MARK1: variants seen among roughly 807,000 people sequenced by gnomAD.
MARK1 encodes the protein microtubule affinity regulating kinase 1.
Under a neutral mutation model 96.3 loss-of-function variants are expected in MARK1, and 40 were observed. The observed-to-expected ratio is 0.42, with a 90% CI of 0.32 to 0.54. The LOEUF is 0.54. MARK1 is among the 20% of genes least tolerant of loss of function. MARK1 has a pLI of 0.16. For missense variants in MARK1, 719 were observed against 984.6 expected, an observed-to-expected ratio of 0.73 and a Z score of 3.61; for synonymous variants, 317 against 341.2, an observed-to-expected ratio of 0.93 and a Z score of 0.78.
rs148023363 is a variant in MARK1, at chr1:220,635,393, G to A, written c.1140G>A (p.Ser380=). The change falls in exon 12 of 18, where the codon TCG becomes TCA. Residue 380 remains serine (S), a synonymous_variant. Coordinates refer to ENST00000366917, the MANE Select transcript of MARK1 (RefSeq NM_018650.5). ...TCTTATAGTTTGAAGGTGGTGAATC[G>A]TTATCCAGTGGAAACTTGTGTCAGA... ...RKPPEFEGGE[S]LSSGNLCQRS... The A allele has an allele frequency of 2.7e-4, 424 of 1,598,858 alleles. 1 individual carries two copies. The highest frequency in any genetic ancestry group is 3.3e-4 in the Non-Finnish European group (387 of 1,175,664).
chr1:220,602,514 G>A (rs1433686715), intron 5 of MARK1, among the ~76,000 whole-genome samples: 1 of 152,104 alleles, frequency 6.6e-6, no homozygotes, highest in Non-Finnish European at 1.5e-5. Context: ...TGGGGTAAGT[G>A]TATTCTAGGC....
chr1:220,628,888 C>T lies in MARK1; in HGVS notation c.910-2147C>T, dbSNP rs138367410. ...GATAACTTGAACCCAAGAGTTCAAG[C>T]CTGGGCAACATAGTGAGACCCTGTC... On this transcript the variant is annotated intron_variant, in intron 9 of 17. Coordinates refer to ENST00000366917, the MANE Select transcript of MARK1 (RefSeq NM_018650.5). Among the ~76,000 whole-genome samples, 61 of 151,172 alleles carry T rather than the reference C, an allele frequency of 4.0e-4. No homozygotes were observed. The East Asian group carries it at 9.0e-3, about 22-fold the overall frequency.
Position 220,635,967 on chromosome 1 carries a change from G to A in MARK1, c.1411G>A (p.Glu471Lys), listed in dbSNP as rs762809159. ...CAGCACAACAGTTGGATCAAAAAGCGAGATGACTGCAAGCCCTCTTGTAGG... is the reference window on the plus strand; with the variant it reads ...CAGCACAACAGTTGGATCAAAAAGCAAGATGACTGCAAGCCCTCTTGTAGG... Reference protein sequence around the residue: ...LGSTTVGSKSEMTASPLVGPE... With the variant: ...LGSTTVGSKSKMTASPLVGPE... Residue 471 changes from glutamate to lysine, a missense_variant, in exon 13 of 18, where the codon GAG becomes AAG. Physicochemically the swap from Glu to Lys is moderately conservative, Grantham distance 56 (BLOSUM62 1). This residue lies in a region of MARK1 where 501 missense variants were observed against 588.3 expected (regional missense o/e 0.85). Coordinates refer to ENST00000366917, the MANE Select transcript of MARK1 (RefSeq NM_018650.5). 1.9e-5 allele frequency: 30 copies of A among 1,613,952 alleles called. No individual in the cohort carries two copies. Among genetic ancestry groups the A allele is most frequent in the Non-Finnish European group, 2.2e-5 (26 of 1,180,010 alleles).
intron 1 of MARK1, among the ~76,000 whole-genome samples, chr1:220,570,398 C>A (rs527574905): frequency 6.6e-6 from 1 of 152,200 alleles, no homozygotes; most frequent in South Asian, 2.1e-4. Context: ...ATACCAGCTG[C>A]AGAAAGAGAA....
rs73105430 is a variant in MARK1 at position 220,595,135 on chromosome 1, C to T, written c.310-3196C>T. ...ATATGGAAACTGTTTGTACTTCCTG[C>T]TCAATTTTGCTGTGAACCTAAAACT... On this transcript the variant is annotated intron_variant, in intron 3 of 17. Coordinates refer to ENST00000366917, the MANE Select transcript of MARK1 (RefSeq NM_018650.5). 3.7e-3 allele frequency among the ~76,000 whole-genome samples: 556 copies of T among 152,218 alleles called. 5 individuals carry two copies. Among genetic ancestry groups the T allele is most frequent in the African/African-American group, 0.013 (525 of 41,540 alleles).
intron 9 of MARK1, among the ~76,000 whole-genome samples, chr1:220,628,546 C>T (rs923194076): frequency 2.0e-5 from 3 of 152,184 alleles, no homozygotes; most frequent in Admixed American, 6.6e-5. Context: ...ACTCTTTCCT[C>T]GCCTTCCATG....
chr1:220,563,310 A>T (rs376734363), intron 1 of MARK1, among the ~76,000 whole-genome samples: 1 of 152,266 alleles, frequency 6.6e-6, no homozygotes, highest in East Asian at 1.9e-4. Flanking sequence ...CCAAAAAAAA[A>T]TTACCAATTA....
At chr1:220,642,290 TC>T (rs1162607976) in intron 13 of MARK1, among the ~76,000 whole-genome samples, 1 of 152,184 alleles carries the variant, frequency 6.6e-6, no homozygotes, top group Non-Finnish European at 1.5e-5. Context: ...TCAGTGATTT[TC>T]CCCTGCCAGT....
intron 1 of MARK1, among the ~76,000 whole-genome samples, chr1:220,535,181 G>A (rs916390109): frequency 3.9e-5 from 6 of 152,040 alleles, no homozygotes; most frequent in Admixed American, 3.3e-4. Context: ...CACCAACAGT[G>A]CACAAGGGTT....
intron 1 of MARK1, among the ~76,000 whole-genome samples, chr1:220,552,741 C>G (rs1452540403): frequency 1.3e-5 from 2 of 152,168 alleles, no homozygotes; most frequent in Non-Finnish European, 2.9e-5. Flanking sequence ...TAGCAAGTAT[C>G]TGTTCCAATG....
At chr1:220,636,506 C>T (rs1667975479) in intron 13 of MARK1, among the ~76,000 whole-genome samples, 4 of 151,528 alleles carry the variant, frequency 2.6e-5, no homozygotes, top group Middle Eastern at 3.4e-3. Flanking sequence ...CTAAGATATA[C>T]GAAATGTAGA....
At position 220,528,872 on chromosome 1, in the gene MARK1, A is replaced by G. The variant is rs1486037079; in HGVS notation, c.50A>G (p.Asn17Ser). Residue 17 changes from asparagine to serine, a missense_variant and splice_region_variant, in exon 1 of 18, where the codon AAT becomes AGT. This residue lies in a region of MARK1 where 105 missense variants were observed against 133.4 expected (regional missense o/e 0.79). Coordinates refer to ENST00000366917, the MANE Select transcript of MARK1 (RefSeq NM_018650.5). ...ACGGTGAACGAGCGGGACACGGAAA[A>G]TGTGAGTAACCGGAGCCTCCCTCGG... ...LPTVNERDTE[N>S]HTSVDGYTEP... is the part of the protein sequence containing the mutation. The G allele has an allele frequency of 5.6e-5, 88 of 1,569,672 alleles. No individual in the cohort carries two copies. Among genetic ancestry groups the G allele is most frequent in the Non-Finnish European group, 7.3e-5 (85 of 1,157,054 alleles).
chr1:220,583,335 CA>C (rs1558275966), intron 3 of MARK1, among the ~76,000 whole-genome samples: 1 of 152,148 alleles, frequency 6.6e-6, no homozygotes. Context: ...CCTTCCTTTG[CA>C]AACATCAATG....
intron 6 of MARK1, among the ~76,000 whole-genome samples, chr1:220,614,158 C>A (rs1348038650): frequency 6.6e-6 from 1 of 152,070 alleles, no homozygotes; most frequent in Non-Finnish European, 1.5e-5. Context: ...CAGGTGCACA[C>A]CACCACACCT....
intron 3 of MARK1, among the ~76,000 whole-genome samples, chr1:220,590,621 C>A (rs1572137405): frequency 6.6e-6 from 1 of 152,082 alleles, no homozygotes. Context: ...AACAGGGATC[C>A]AAATCCAGCT....
intron 2 of MARK1, 64 bp downstream of exon 2, chr1:220,579,621 T>A: frequency 2.3e-6 from 3 of 1,315,788 alleles, no homozygotes; most frequent in Non-Finnish European, 3.3e-6. Flanking sequence ...TAAAGCTTCC[T>A]TATAGCCCAT....
chr1:220,658,380 C>T (rs1328526117), intron 17 of MARK1, among the ~76,000 whole-genome samples: 3 of 152,112 alleles, frequency 2.0e-5, no homozygotes, highest in African/African-American at 4.8e-5. Context: ...ACAGGGAAGG[C>T]TTGATAAAAA....
chr1:220,618,605 G>C lies in MARK1; in HGVS notation c.790-31G>C. ...CCAAGTATGATTATGTCAAAAACCA[G>C]TTATAAGTGCTTTCTTTCACTTTTA... On this transcript the variant is annotated intron_variant, in intron 8 of 17. Transcript: ENST00000366917. The surrounding 1 kb of genome is among the most constrained non-coding windows in gnomAD (Gnocchi z 4.6). 6.2e-7 allele frequency: 1 copy of C among 1,613,504 alleles called. No homozygotes were observed. Among genetic ancestry groups the C allele is most frequent in the Non-Finnish European group, 8.5e-7 (1 of 1,179,858 alleles).
intron 13 of MARK1, among the ~76,000 whole-genome samples, 182 bp downstream of exon 13, chr1:220,636,208 C>A (rs1284358576): frequency 6.6e-6 from 1 of 152,196 alleles, no homozygotes; most frequent in Admixed American, 6.5e-5. Context: ...AAAAAGAATT[C>A]TTTTTTGCAT....
Sources: allele counts gnomAD v4.1 joint callset (sites outside exome capture counted in the v4.1 genomes callset), GRCh38; gene constraint gnomAD v4.1.1; regional missense constraint gnomAD v4.1.1; non-coding constraint Gnocchi (gnomAD v3.1); transcripts MANE v1.5; gene names NCBI Gene and HGNC (gene_info 2026-07-23, HGNC 2026-07-21).